LRMDA: variants seen among roughly 807,000 people sequenced by gnomAD.
LRMDA encodes the protein leucine-rich melanocyte differentiation-associated protein.
In LRMDA, 18 loss-of-function variants were observed where a neutral mutation model predicts 29.8. The observed-to-expected ratio is 0.60, with a 90% confidence interval of 0.42 to 0.90. The LOEUF (loss-of-function observed/expected upper bound fraction) is 0.90, where lower values mean the gene tolerates loss of function less well. Ranked by LOEUF, LRMDA falls within the 40% of genes least tolerant of loss-of-function variation. The pLI, the probability that LRMDA is intolerant of heterozygous loss-of-function variation, is 0.00. For missense variants in LRMDA, 273 were observed against 273.9 expected (o/e 1.00, Z 0.02); for synonymous variants, 125 against 109.4 (o/e 1.14, Z -0.89).
At chr10:76,358,401 A>T (rs1375254456) in intron 6 of LRMDA, among the ~76,000 whole-genome samples, 2 of 152,220 alleles carry the variant, frequency 1.3e-5, no homozygotes, top group Non-Finnish European at 2.9e-5. Context: ...CACTGGTGTC[A>T]AATTATGCAC....
At chr10:75,847,442 G>T (rs973426600) in intron 2 of LRMDA, among the ~76,000 whole-genome samples, 8 of 152,098 alleles carry the variant, frequency 5.3e-5, no homozygotes, top group African/African-American at 1.7e-4. Context: ...CAATGCAGTG[G>T]ATTAAGCAAT....
chr10:75,915,962 G>C (rs1278026200), intron 2 of LRMDA, among the ~76,000 whole-genome samples: 1 of 152,180 alleles, frequency 6.6e-6, no homozygotes, highest in Admixed American at 6.5e-5. Context: ...AATGACATCT[G>C]AAGTGGGTTT....
intron 6 of LRMDA, among the ~76,000 whole-genome samples, chr10:76,466,521 C>T (rs751798974): frequency 5.9e-5 from 9 of 152,140 alleles, no homozygotes; most frequent in Non-Finnish European, 4.4e-5. Flanking sequence ...ACAGGCTGGG[C>T]GTGGTGGCTC....
At chr10:76,101,188 A>T (rs1481131979) in intron 5 of LRMDA, among the ~76,000 whole-genome samples, 1 of 152,242 alleles carries the variant, frequency 6.6e-6, no homozygotes, top group African/African-American at 2.4e-5. Context: ...GTATCTATTT[A>T]TGAAGGATAG....
intron 6 of LRMDA, among the ~76,000 whole-genome samples, chr10:76,397,115 C>T (rs1034092994): frequency 2.0e-5 from 3 of 152,136 alleles, no homozygotes; most frequent in Admixed American, 6.5e-5. Context: ...TTTATTAAAC[C>T]ATTTGTCAGG....
chr10:76,144,173 G>A (rs1344620416), intron 5 of LRMDA, among the ~76,000 whole-genome samples: 6 of 152,142 alleles, frequency 3.9e-5, no homozygotes, highest in South Asian at 4.2e-4. Context: ...TTGGCGATGC[G>A]GGCTCTTTTT....
At chr10:75,899,821 C>T (rs183089126) in intron 2 of LRMDA, among the ~76,000 whole-genome samples, 60 of 152,300 alleles carry the variant, frequency 3.9e-4, no homozygotes, top group Non-Finnish European at 7.2e-4. Flanking sequence ...ACCTTCCTCT[C>T]CAATGTGTTC....
rs188341396 is a variant in LRMDA at position 76,274,123 on chromosome 10, A to G, written c.517-50278A>G. On this transcript the variant is annotated intron_variant, in intron 5 of 6. Coordinates refer to ENST00000611255, the MANE Select transcript of LRMDA (RefSeq NM_001305581.2). ...ATCTGAGTCATTCATAGTATATCCTAGACTGTTTCAGGATCACCAGTTCCA... is the reference window on the plus strand; with the variant it reads ...ATCTGAGTCATTCATAGTATATCCTGGACTGTTTCAGGATCACCAGTTCCA... Among the ~76,000 whole-genome samples, 446 of 152,304 alleles carry G rather than the reference A, an allele frequency of 2.9e-3. 4 individuals are homozygous for G. Among genetic ancestry groups the G allele is most frequent in the African/African-American group, 0.01 (417 of 41,568 alleles).
intron 6 of LRMDA, among the ~76,000 whole-genome samples, chr10:76,466,533 C>T (rs1157320591): frequency 6.6e-6 from 1 of 152,138 alleles, no homozygotes; most frequent in Non-Finnish European, 1.5e-5. Context: ...TGGTGGCTCA[C>T]ACCTGTAATC....
intron 5 of LRMDA, among the ~76,000 whole-genome samples, chr10:76,232,850 G>A (rs983541730): frequency 6.6e-6 from 1 of 152,224 alleles, no homozygotes; most frequent in Non-Finnish European, 1.5e-5. Flanking sequence ...GTCTGGGCCT[G>A]GGGCCTTTTA....
chr10:75,697,816 G>C (rs1842254429), intron 2 of LRMDA, among the ~76,000 whole-genome samples: 1 of 146,312 alleles, frequency 6.8e-6, no homozygotes, highest in African/African-American at 2.7e-5. Flanking sequence ...CTCTCTCTCT[G>C]TATTATGTGC....
intron 5 of LRMDA, among the ~76,000 whole-genome samples, chr10:76,117,109 A>G (rs1229337669): frequency 1.3e-5 from 2 of 152,196 alleles, no homozygotes; most frequent in Non-Finnish European, 2.9e-5. Context: ...TAGGAAAAAG[A>G]TCACCTTGCA....
intron 6 of LRMDA, among the ~76,000 whole-genome samples, chr10:76,343,095 G>T (rs1841060696): frequency 6.6e-6 from 1 of 152,230 alleles, no homozygotes; most frequent in Non-Finnish European, 1.5e-5. Flanking sequence ...GATGAGAAGA[G>T]ATGTGCAGAT....
intron 5 of LRMDA, among the ~76,000 whole-genome samples, chr10:76,290,182 CA>C (rs1564712796): frequency 6.6e-6 from 1 of 152,128 alleles, no homozygotes; most frequent in African/African-American, 2.4e-5. Flanking sequence ...TTTATTGTTA[CA>C]ATCTCTTTAA....
intron 5 of LRMDA, among the ~76,000 whole-genome samples, chr10:76,225,361 A>G (rs1191518342): frequency 6.6e-6 from 1 of 152,000 alleles, no homozygotes; most frequent in Non-Finnish European, 1.5e-5. Context: ...CAGTGAGCTG[A>G]CGATGACACG....
At chr10:75,955,538 C>T (rs1846649574) in intron 2 of LRMDA, among the ~76,000 whole-genome samples, 3 of 152,126 alleles carry the variant, frequency 2.0e-5, no homozygotes. Context: ...ACACACCAGA[C>T]CACATTTTCA....
chr10:75,943,112 T>A (rs1264338046), intron 2 of LRMDA, among the ~76,000 whole-genome samples: 2 of 150,226 alleles, frequency 1.3e-5, no homozygotes, highest in Non-Finnish European at 2.9e-5. Flanking sequence ...TAGATGAAGT[T>A]AAAGGGTTCT....
intron 2 of LRMDA, among the ~76,000 whole-genome samples, chr10:75,561,398 TA>T (rs1339295144): frequency 6.6e-6 from 1 of 151,258 alleles, no homozygotes; most frequent in African/African-American, 2.4e-5. Flanking sequence ...TATCATTTTT[TA>T]TTGCGTCTAT....
intron 5 of LRMDA, among the ~76,000 whole-genome samples, chr10:76,209,752 ACG>A (rs1851603024): frequency 6.6e-6 from 1 of 152,186 alleles, no homozygotes; most frequent in South Asian, 2.1e-4. Flanking sequence ...CTGATGTATC[ACG>A]TACAATCCTG....
Sources: gnomAD v4.1 joint callset for allele counts (sites outside exome capture counted in the v4.1 genomes callset) on GRCh38, gnomAD v4.1.1 for gene constraint, MANE v1.5 for transcripts, NCBI Gene and HGNC (gene_info 2026-07-23, HGNC 2026-07-21) for gene names.